Variants in BDP1 observed in about 807,000 individuals in gnomAD.
BDP1 encodes the protein transcription factor TFIIIB component B'' homolog.
A neutral mutation model predicts 266.6 loss-of-function variants in BDP1; 169 were observed. The ratio of observed to expected loss-of-function variants is 0.63; its 90% CI spans 0.56 to 0.72. The LOEUF (loss-of-function observed/expected upper bound fraction) is 0.72. BDP1 is among the 30% of genes least tolerant of loss of function. The pLI is 0.00. For synonymous variants in BDP1, 1,090 were observed against 1,022.4 expected (o/e 1.07, Z -1.26); for missense variants, 3,015 against 3,053.8 (o/e 0.99, Z 0.30).
rs1192966288 is a variant in BDP1, at chr5:71,491,088, A to G, written c.1597A>G (p.Thr533Ala). The change falls in exon 11 of 39, where the codon ACT (threonine) becomes GCT (alanine). Residue 533 changes from threonine (T) to alanine (A), a missense_variant. Coordinates refer to ENST00000358731, the MANE Select transcript of BDP1 (RefSeq NM_018429.3). Reference sequence around the variant, plus strand: ...AGATGGCATTGTGGGTTTTGCCTCCACTGAAAAAGTTGAGAAAAGAACTGA... The same window carrying G: ...AGATGGCATTGTGGGTTTTGCCTCCGCTGAAAAAGTTGAGAAAAGAACTGA... The part of the protein sequence containing the change: ...NIDGIVGFAS[T>A]EKVEKRTDPI... The G allele has an allele frequency of 6.2e-7, 1 of 1,614,098 alleles. No individual in the cohort carries two copies. The highest frequency in any genetic ancestry group is 8.5e-7 in the Non-Finnish European group (1 of 1,179,990).
chr5:71,513,245 C>G lies in BDP1; in HGVS notation c.4308C>G (p.Ser1436Arg). The G allele has an allele frequency of 6.2e-7, 1 of 1,613,604 alleles. No individual in the cohort carries two copies. Among genetic ancestry groups the G allele is most frequent in the Non-Finnish European group, 8.5e-7 (1 of 1,179,954 alleles). ...TTAAACCAGCACCTTTTGTGAGGAG[C>G]CGATTCAAAAGACCAAAACCAAACT... ...LEIKPAPFVR[S>R]RFKRPKPNLA... The change falls in exon 19 of 39, where the codon AGC becomes AGG. Residue 1436 changes from serine (S) to arginine (R), a missense_variant. By Grantham distance (110) the Ser-to-Arg change is moderately radical. Coordinates refer to ENST00000358731, the MANE Select transcript of BDP1 (RefSeq NM_018429.3).
chr5:71,502,477 T>G, intron 14 of BDP1, 122 bp from the exon 15 acceptor site: 1 of 931,474 alleles, frequency 1.1e-6, no homozygotes, highest in Non-Finnish European at 1.6e-6. Context: ...CCCGGGCGGA[T>G]TATGTCTTTT....
chr5:71,485,806 G>A (rs1313609955), intron 8 of BDP1, among the ~76,000 whole-genome samples: 1 of 152,134 alleles, frequency 6.6e-6, no homozygotes. Context: ...TTGTGATAAA[G>A]GTAGGGCATA....
chr5:71,474,438 T>C (rs1762462673), intron 7 of BDP1, among the ~76,000 whole-genome samples: 1 of 151,898 alleles, frequency 6.6e-6, no homozygotes, highest in Admixed American at 6.6e-5. Flanking sequence ...TCCCCTGCCT[T>C]AGCCTCCCAA....
chr5:71,541,024 G>A (rs1766933360), intron 28 of BDP1, among the ~76,000 whole-genome samples: 2 of 151,948 alleles, frequency 1.3e-5, no homozygotes, highest in Admixed American at 1.3e-4. Context: ...TTCTGTATAG[G>A]GCTCCTTTCT....
At chr5:71,477,368 CAA>C (rs1762655460) in intron 7 of BDP1, among the ~76,000 whole-genome samples, 1 of 151,886 alleles carries the variant, frequency 6.6e-6, no homozygotes, top group Admixed American at 6.6e-5. Context: ...AGGTTTGTCT[CAA>C]ATTCCTAGGC....
intron 36 of BDP1, among the ~76,000 whole-genome samples, chr5:71,557,407 C>T (rs776662305): frequency 2.4e-4 from 19 of 79,464 alleles, no homozygotes; most frequent in Admixed American, 6.0e-4. Context: ...TTTTTTGAGA[C>T]GGTGTCTCGC....
intron 25 of BDP1, among the ~76,000 whole-genome samples, chr5:71,525,430 C>G (rs1395922314): frequency 1.5e-5 from 2 of 135,078 alleles, no homozygotes; most frequent in South Asian, 5.2e-4. Flanking sequence ...GGCGGCTGGC[C>G]GGGCGGGGGG....
chr5:71,549,356 A>G (rs1261348822), intron 33 of BDP1, 64 bp from the exon 34 acceptor site: 7 of 1,271,710 alleles, frequency 5.5e-6, no homozygotes, highest in Non-Finnish European at 5.4e-6. Flanking sequence ...AAATGAAATA[A>G]ATTAATGATA....
intron 2 of BDP1, among the ~76,000 whole-genome samples, chr5:71,459,406 G>A (rs768042280): frequency 6.6e-6 from 1 of 152,174 alleles, no homozygotes; most frequent in East Asian, 1.9e-4. Context: ...CAACTACTGG[G>A]GAGGCTGAGG....
At chr5:71,527,566 T>A (rs1388806644) in intron 25 of BDP1, among the ~76,000 whole-genome samples, 1 of 152,216 alleles carries the variant, frequency 6.6e-6, no homozygotes, top group Non-Finnish European at 1.5e-5. Context: ...GTTTTCACAG[T>A]TCATCTATGT....
intron 2 of BDP1, among the ~76,000 whole-genome samples, chr5:71,460,088 T>C (rs1761449453): frequency 6.6e-6 from 1 of 152,168 alleles, no homozygotes; most frequent in Non-Finnish European, 1.5e-5. Context: ...ACACTTAAAC[T>C]GGTGTCTTGG....
intron 29 of BDP1, 143 bp downstream of exon 29, chr5:71,541,825 G>T: frequency 1.7e-6 from 1 of 588,854 alleles, no homozygotes; most frequent in Non-Finnish European, 2.9e-6. Flanking sequence ...TTAGGTTAGT[G>T]GTTTGCATGT....
rs528173325 is a variant in BDP1, at chr5:71,520,349, A to G, written c.4992-1940A>G. On this transcript the variant is annotated intron_variant, in intron 22 of 38. Coordinates refer to ENST00000358731, the MANE Select transcript of BDP1 (RefSeq NM_018429.3). The stretch of plus-strand genomic sequence containing the variant: ...AGATTAAGGCCAATTTTTACTTCAC[A>G]TTAATTTTAGGTTCCCTTAGCCATT... Among the ~76,000 whole-genome samples, 20 of 152,258 alleles carry G rather than the reference A, an allele frequency of 1.3e-4. No homozygotes were observed. In the South Asian group the frequency reaches 1.7e-3, roughly 13 times the overall value.
At chr5:71,543,378 G>A (rs1767086568) in intron 30 of BDP1, among the ~76,000 whole-genome samples, 3 of 152,182 alleles carry the variant, frequency 2.0e-5, no homozygotes, top group South Asian at 4.1e-4. Flanking sequence ...GGAAGATCAC[G>A]TGAGCCCAGG....
intron 26 of BDP1, among the ~76,000 whole-genome samples, chr5:71,538,677 A>G (rs957400680): frequency 1.3e-5 from 2 of 152,206 alleles, no homozygotes; most frequent in Non-Finnish European, 2.9e-5. Context: ...AAATTTTGCA[A>G]TACCCTTTAG....
At chr5:71,517,668 G>A (rs1765291773) in intron 22 of BDP1, among the ~76,000 whole-genome samples, 1 of 152,134 alleles carries the variant, frequency 6.6e-6, no homozygotes, top group Non-Finnish European at 1.5e-5. Context: ...ATTCCCTTAA[G>A]TATATGTAAT....
At chr5:71,512,555 T>A (rs751429940) in intron 18 of BDP1, 127 bp downstream of exon 18, 40 of 577,302 alleles carry the variant, frequency 6.9e-5, no homozygotes, top group Non-Finnish European at 1.1e-4. Context: ...TTGGGAAGAC[T>A]GGGAGAGAGG....
At chr5:71,553,024 T>G in intron 34 of BDP1, 92 bp from the exon 35 acceptor site, 1 of 1,096,100 alleles carries the variant, frequency 9.1e-7, no homozygotes, top group Non-Finnish European at 1.3e-6. Context: ...CCTTTAACTT[T>G]ATTATTGGAA....
Sources: allele counts gnomAD v4.1 joint callset (sites outside exome capture counted in the v4.1 genomes callset), GRCh38; gene constraint gnomAD v4.1.1; transcripts MANE v1.5; gene names NCBI Gene and HGNC (gene_info 2026-07-23, HGNC 2026-07-21).